Variants in NOL4 observed in about 807,000 individuals in gnomAD.
NOL4 encodes cancer/testis antigen 125.
A neutral mutation model predicts 75.9 loss-of-function variants in NOL4; 17 were observed. That is an observed-to-expected ratio of 0.22 (90% CI 0.15 to 0.34). NOL4 has a LOEUF of 0.34. NOL4 is among the 10% of genes least tolerant of loss of function. NOL4 has a pLI of 1.00. For missense variants in NOL4, 614 were observed against 793.5 expected (o/e 0.77, Z 2.72); for synonymous variants, 292 against 289.9 (o/e 1.01, Z -0.07).
intron 5 of NOL4, among the ~76,000 whole-genome samples, chr18:34,032,297 C>T (rs1055957149): frequency 6.6e-6 from 1 of 152,060 alleles, no homozygotes; most frequent in African/African-American, 2.4e-5. Flanking sequence ...CTGCCCACAA[C>T]CTGAGCATTC....
chr18:34,061,693 C>A (rs941802206), intron 5 of NOL4, among the ~76,000 whole-genome samples: 1 of 151,972 alleles, frequency 6.6e-6, no homozygotes, highest in Non-Finnish European at 1.5e-5. Flanking sequence ...GTAATAACTC[C>A]TAAGAACCAC....
chr18:33,918,357 T>C (rs556074892), intron 9 of NOL4, among the ~76,000 whole-genome samples: 1 of 152,324 alleles, frequency 6.6e-6, no homozygotes, highest in East Asian at 1.9e-4. Flanking sequence ...TCAGCATGAG[T>C]TGAACTTACA....
At chr18:34,054,132 A>G (rs754129712) in intron 5 of NOL4, among the ~76,000 whole-genome samples, 5 of 152,010 alleles carry the variant, frequency 3.3e-5, no homozygotes, top group Non-Finnish European at 7.4e-5. Context: ...TTTGTACCCT[A>G]ACATGAGGTC....
chr18:34,107,509 C>G (rs2079357774), intron 2 of NOL4, among the ~76,000 whole-genome samples: 1 of 151,976 alleles, frequency 6.6e-6, no homozygotes, highest in Middle Eastern at 3.4e-3. Flanking sequence ...TATAGGGACA[C>G]CTGCCATGGC....
At chr18:34,135,558 G>A (rs943163311) in intron 1 of NOL4, among the ~76,000 whole-genome samples, 17 of 151,768 alleles carry the variant, frequency 1.1e-4, no homozygotes, top group Non-Finnish European at 2.2e-4. Flanking sequence ...TTAGCCAGGT[G>A]TGGCGGTGGG....
chr18:34,123,532 CATAT>C (rs34954122), intron 2 of NOL4, among the ~76,000 whole-genome samples: 31,293 of 129,178 alleles, frequency 0.24, 3,897 homozygotes, highest in East Asian at 0.43. Flanking sequence ...ATGTGATAAC[CATAT>C]ATATATATAT....
Position 33,852,689 on chromosome 18 carries a change from A to G in NOL4, c.*153T>C. 1.5e-6 allele frequency: 1 copy of G among 677,696 alleles called. No homozygotes were observed. Among genetic ancestry groups the G allele is most frequent in the East Asian group, 2.8e-5 (1 of 36,172 alleles). 42.0% of individuals were successfully genotyped at this position (677,696 alleles called of 1,614,324 possible). ...CAGAGTTCCTTTGAAGCACCTTAAC[A>G]CATCACTTACGGATCAAGGACAATG... On this transcript the variant is annotated 3_prime_UTR_variant, in exon 11 of 11. Coordinates refer to ENST00000261592, the MANE Select transcript of NOL4 (RefSeq NM_003787.5).
At chr18:34,138,611 G>A (rs2081001142) in intron 1 of NOL4, among the ~76,000 whole-genome samples, 1 of 152,164 alleles carries the variant, frequency 6.6e-6, no homozygotes, top group South Asian at 2.1e-4. Flanking sequence ...TATAATATGT[G>A]AGTTCTGCAA....
chr18:34,024,194 A>AAATAT, intron 5 of NOL4, among the ~76,000 whole-genome samples: 26 of 70,650 alleles, frequency 3.7e-4, no homozygotes, highest in Admixed American at 5.4e-4. Flanking sequence ...AAAAAAAAAA[A>AAATAT]ATATATATAT....
chr18:33,968,275 T>C (rs2070765078), intron 6 of NOL4, among the ~76,000 whole-genome samples: 1 of 152,130 alleles, frequency 6.6e-6, no homozygotes, highest in South Asian at 2.1e-4. Context: ...GTAATCCCAT[T>C]ACTGCATACA....
intron 1 of NOL4, among the ~76,000 whole-genome samples, chr18:34,173,484 G>A (rs1482017904): frequency 6.6e-6 from 1 of 151,994 alleles, no homozygotes; most frequent in East Asian, 1.9e-4. Context: ...ATGTATATGT[G>A]TATATCAGAT....
intron 6 of NOL4, among the ~76,000 whole-genome samples, chr18:34,007,002 T>C (rs1443363060): frequency 1.3e-5 from 2 of 151,966 alleles, no homozygotes; most frequent in Non-Finnish European, 2.9e-5. Flanking sequence ...AGAAAAAGTT[T>C]TGCTTCCTGT....
chr18:34,127,191 C>T (rs1284668887), intron 2 of NOL4, among the ~76,000 whole-genome samples: 1 of 151,812 alleles, frequency 6.6e-6, no homozygotes, highest in East Asian at 1.9e-4. Context: ...CTAGATATTT[C>T]AAGGAATGAT....
At chr18:34,103,942 ATAAAT>A (rs780858501) in intron 4 of NOL4, 100 bp downstream of exon 4, 318 of 756,864 alleles carry the variant, frequency 4.2e-4, no homozygotes, top group Non-Finnish European at 5.9e-4. Context: ...TCATTAAAAA[ATAAAT>A]TACTGTCTTC....
At chr18:33,885,241 T>G (rs192724512) in intron 9 of NOL4, among the ~76,000 whole-genome samples, 19 of 152,228 alleles carry the variant, frequency 1.2e-4, no homozygotes, top group Non-Finnish European at 2.9e-5. Context: ...AATGTCTAAT[T>G]GTAATTTAAA....
At chr18:33,894,988 A>C (rs534056120) in intron 9 of NOL4, among the ~76,000 whole-genome samples, 1 of 152,248 alleles carries the variant, frequency 6.6e-6, no homozygotes, top group Admixed American at 6.6e-5. Context: ...TCTCACCATA[A>C]AAAATGATAG....
intron 8 of NOL4, among the ~76,000 whole-genome samples, chr18:33,948,916 T>A (rs1355065140): frequency 6.6e-6 from 1 of 152,032 alleles, no homozygotes; most frequent in Non-Finnish European, 1.5e-5. Flanking sequence ...ACTCACAACC[T>A]TTTGTAATCA....
chr18:34,019,703 A>T (rs2074928912), intron 5 of NOL4, 102 bp from the exon 6 acceptor site: 2 of 983,206 alleles, frequency 2.0e-6, no homozygotes, highest in East Asian at 5.1e-5. Flanking sequence ...ATGGCATTTT[A>T]CATACAATAT....
intron 6 of NOL4, among the ~76,000 whole-genome samples, chr18:33,964,123 G>A (rs1008492489): frequency 1.3e-5 from 2 of 152,150 alleles, no homozygotes; most frequent in Middle Eastern, 3.2e-3. Flanking sequence ...CAGTCTGAGA[G>A]TTACTTGAGG....
Sources: gnomAD v4.1 joint callset for allele counts (sites outside exome capture counted in the v4.1 genomes callset) on GRCh38, gnomAD v4.1.1 for gene constraint, MANE v1.5 for transcripts, NCBI Gene and HGNC (gene_info 2026-07-23, HGNC 2026-07-21) for gene names.